The following ACACB variants were observed in gnomAD, a reference collection of about 807,000 sequenced individuals.
The protein encoded by ACACB is acetyl-CoA carboxylase 2.
A neutral mutation model predicts 278.8 loss-of-function variants in ACACB; 209 were observed. The ratio of observed to expected loss-of-function variants is 0.75; its 90% CI spans 0.67 to 0.84. ACACB has a LOEUF of 0.84. Among genes scored for constraint, ACACB ranks in the 40% least tolerant of loss-of-function variants. The probability of loss-of-function intolerance (pLI) is 0.00; values close to 1 mark genes in which losing one functional copy is unlikely to be tolerated. For synonymous variants in ACACB, 1,174 were observed against 1,285.6 expected (o/e 0.91, Z 1.86); for missense variants, 2,850 against 3,269.0 (o/e 0.87, Z 3.13).
At chr12:109,180,829 T>A (rs1262451361) in intron 11 of ACACB, among the ~76,000 whole-genome samples, 1 of 152,198 alleles carries the variant, frequency 6.6e-6, no homozygotes, top group African/African-American at 2.4e-5. Flanking sequence ...AATATTCCAA[T>A]TATACTCTTT....
chr12:109,175,131 A>G (rs1052406805), intron 7 of ACACB, among the ~76,000 whole-genome samples: 4 of 152,230 alleles, frequency 2.6e-5, no homozygotes, highest in African/African-American at 7.2e-5. Flanking sequence ...GTGCATTTTA[A>G]TAATTTTCTT....
rs1191533987 is a variant in ACACB at position 109,239,890 on chromosome 12, G to A, written c.4723G>A (p.Glu1575Lys). 8 of 1,614,044 alleles carry A rather than the reference G, an allele frequency of 5.0e-6. No homozygotes were observed. Among genetic ancestry groups the A allele is most frequent in the African/African-American group, 1.3e-5 (1 of 74,926 alleles). ...GCGGCTGCTCCTGGAGGCCATGGACGAGCTGGAGGTGGCGTTCAATAACAC... is the reference window on the plus strand; with the variant it reads ...GCGGCTGCTCCTGGAGGCCATGGACAAGCTGGAGGTGGCGTTCAATAACAC... Reference protein sequence around the residue: ...GERLLLEAMDELEVAFNNTSV... With the variant: ...GERLLLEAMDKLEVAFNNTSV... The change falls in exon 35 of 53, where the codon GAG becomes AAG. Residue 1575 changes from glutamate (E) to lysine (K), a missense_variant. Glu to Lys is a moderately conservative substitution (Grantham distance 56). Transcript: ENST00000338432.
rs750379973 is a variant in ACACB, at chr12:109,206,743, C to T, written c.2947C>T (p.Gln983Ter). The change falls in exon 20 of 53, where the codon CAG becomes TAG. Residue 983 changes from glutamine (Q) to a stop codon, truncating the protein, a stop_gained. Transcript: ENST00000338432. LOFTEE classifies it high-confidence loss of function. The stretch of plus-strand genomic sequence containing the variant: ...GTTCACAGGAGAACTCCCTGCCCAG[C>T]AGACACTGCCCATCCTCGGAGAGAA... ...EPFTGELPAQ[Q>*]TLPILGEKLH... 6.2e-7 allele frequency: 1 copy of T among 1,614,144 alleles called. No homozygotes were observed. The highest frequency in any genetic ancestry group is 1.1e-5 in the South Asian group (1 of 91,078).
At chr12:109,204,621 G>A (rs1005535775) in intron 19 of ACACB, among the ~76,000 whole-genome samples, 7 of 151,252 alleles carry the variant, frequency 4.6e-5, no homozygotes, top group African/African-American at 7.3e-5. Flanking sequence ...TTTTGTACCC[G>A]TTAACCATCC....
chr12:109,117,251 T>A (rs929874364), intron 1 of ACACB, among the ~76,000 whole-genome samples: 5 of 150,714 alleles, frequency 3.3e-5, no homozygotes, highest in South Asian at 4.2e-4. Context: ...TCCCAGCTAC[T>A]TGGGAGGCTG....
intron 22 of ACACB, 34 bp from the exon 23 acceptor site, chr12:109,216,584 G>A (rs2046005834): frequency 1.9e-6 from 3 of 1,593,344 alleles, no homozygotes; most frequent in Non-Finnish European, 2.6e-6. Context: ...AAGGAAGGGT[G>A]TGAGCATTAA....
rs553585635 is a variant in ACACB at position 109,260,014 on chromosome 12, A to G, written c.6497-466A>G. 4.7e-6 allele frequency: 6 copies of G among 1,280,562 alleles called. No individual in the cohort carries two copies. In the African/African-American group the frequency reaches 9.0e-5, roughly 19 times the overall value. The allele number at this position is 1,280,562 out of a possible 1,614,324, so 79.3% of individuals were successfully genotyped here. ...AGAGTCTGATGAGCTAATTGCTGAC[A>G]TGCAGTGTGATTGTCAGTGCTGTTA... is the stretch of plus-strand genomic sequence containing the variant. On this transcript the variant is annotated intron_variant, in intron 47 of 52. Coordinates refer to ENST00000338432, the MANE Select transcript of ACACB (RefSeq NM_001093.4).
intron 15 of ACACB, among the ~76,000 whole-genome samples, chr12:109,192,550 C>A (rs1292714057): frequency 6.6e-6 from 1 of 152,126 alleles, no homozygotes; most frequent in Non-Finnish European, 1.5e-5. Context: ...AAATATATCT[C>A]CAGACATTGC....
Position 109,206,659 on chromosome 12 carries a change from T to G in ACACB, c.2914-51T>G, listed in dbSNP as rs748411548. 4 of 1,608,148 alleles carry G rather than the reference T, an allele frequency of 2.5e-6. No homozygotes were observed. The South Asian group carries it at 3.3e-5, about 13-fold the overall frequency. On this transcript the variant is annotated intron_variant, in intron 19 of 52. Transcript: ENST00000338432. ...TGCCTCCCGTTCTGCCCGGTCCCAT[T>G]TGGAATTCCCAGAGTTTTCCTGACC...
chr12:109,119,065 T>C (rs916933343), intron 1 of ACACB, among the ~76,000 whole-genome samples: 4 of 152,186 alleles, frequency 2.6e-5, no homozygotes, highest in Non-Finnish European at 4.4e-5. Context: ...ATAATAATTA[T>C]GGGATCTCAC....
At chr12:109,142,648 C>T (rs1343738684) in intron 2 of ACACB, among the ~76,000 whole-genome samples, 1 of 152,102 alleles carries the variant, frequency 6.6e-6, no homozygotes, top group Non-Finnish European at 1.5e-5. Flanking sequence ...CTCACAGCAA[C>T]CTCTGCCTCC....
At position 109,139,665 on chromosome 12, in the gene ACACB, G is replaced by A. The variant is rs769981426; in HGVS notation, c.260G>A (p.Arg87Gln). The A allele has an allele frequency of 7.4e-6, 12 of 1,613,854 alleles. No homozygotes were observed. The highest frequency in any genetic ancestry group is 1.7e-5 in the Admixed American group (1 of 59,992). Residue 87 changes from arginine (R) to glutamine (Q), a missense_variant, in exon 2 of 53, where the codon CGG becomes CAG. This residue lies in a region of ACACB where 2,265 missense variants were observed against 2,561.3 expected (regional missense o/e 0.88). Transcript: ENST00000338432. ...CACAAAGGCCCCAAAGATGCCGGTC[G>A]GCGGAGAAACTCCCTACCACCCTCC... is the stretch of plus-strand genomic sequence containing the variant. ...ASHKGPKDAG[R>Q]RRNSLPPSHQ...
At chr12:109,253,885 T>C (rs2047158591) in intron 43 of ACACB, among the ~76,000 whole-genome samples, 1 of 152,208 alleles carries the variant, frequency 6.6e-6, no homozygotes, top group Admixed American at 6.5e-5. Flanking sequence ...AACCAATCTC[T>C]TTTTCTTTCT....
chr12:109,256,251 G>A lies in ACACB; in HGVS notation c.6263+15G>A, dbSNP rs756432145. 3.7e-5 allele frequency: 60 copies of A among 1,609,604 alleles called. No homozygotes were observed. Among genetic ancestry groups the A allele is most frequent in the African/African-American group, 2.3e-4 (17 of 74,850 alleles). On this transcript the variant is annotated intron_variant, in intron 45 of 52. Transcript: ENST00000338432. ...GGACGAGCAAGGTAATCATGAAGACGGGAGCAGGCTGCCCATGTCTGACTC... is the reference window on the plus strand; with the variant it reads ...GGACGAGCAAGGTAATCATGAAGACAGGAGCAGGCTGCCCATGTCTGACTC...
intron 1 of ACACB, among the ~76,000 whole-genome samples, chr12:109,131,047 A>T (rs932147087): frequency 2.0e-4 from 31 of 152,138 alleles, no homozygotes. Flanking sequence ...GCAAGAGGGC[A>T]ATTGCATGAG....
At chr12:109,126,027 C>T (rs986059772) in intron 1 of ACACB, among the ~76,000 whole-genome samples, 2 of 152,182 alleles carry the variant, frequency 1.3e-5, no homozygotes, top group Non-Finnish European at 2.9e-5. Flanking sequence ...TGCTCCATGT[C>T]TCCAGCAGCG....
chr12:109,127,557 C>T (rs1037312074), intron 1 of ACACB, among the ~76,000 whole-genome samples: 1 of 151,772 alleles, frequency 6.6e-6, no homozygotes, highest in African/African-American at 2.4e-5. Context: ...CAAGATCATG[C>T]CACTGCACTC....
At chr12:109,156,320 G>T (rs549581293) in intron 2 of ACACB, among the ~76,000 whole-genome samples, 2 of 151,956 alleles carry the variant, frequency 1.3e-5, no homozygotes, top group Non-Finnish European at 2.9e-5. Flanking sequence ...GCTTGAACTC[G>T]GGAGTTCGAG....
rs201767549 is a variant in ACACB at position 109,139,711 on chromosome 12, C to A, written c.306C>A (p.Asn102Lys). The A allele has an allele frequency of 3.4e-4, 549 of 1,613,958 alleles. No homozygotes were observed. Among genetic ancestry groups the A allele is most frequent in the Non-Finnish European group, 4.5e-4 (528 of 1,180,010 alleles). ...LPPSHQKPPR[N>K]PLSSSDAAPS... ...CCTCCCACCAGAAGCCCCCAAGAAA[C>A]CCCCTTTCTTCCAGTGACGCAGCAC... Residue 102 changes from asparagine to lysine, a missense_variant, in exon 2 of 53, where the codon AAC (asparagine) becomes AAA (lysine). By Grantham distance (94) the Asn-to-Lys change is moderately conservative. Transcript: ENST00000338432.
Sources: allele counts gnomAD v4.1 joint callset (sites outside exome capture counted in the v4.1 genomes callset), GRCh38; gene constraint gnomAD v4.1.1; regional missense constraint gnomAD v4.1.1; transcripts MANE v1.5; gene names NCBI Gene and HGNC (gene_info 2026-07-23, HGNC 2026-07-21).